Variants in METAP1 observed in about 807,000 individuals in gnomAD.
METAP1 encodes the protein methionine aminopeptidase 1.
A neutral mutation model predicts 53.8 loss-of-function variants in METAP1; 28 were observed. The ratio of observed to expected loss-of-function variants is 0.52; its 90% CI spans 0.39 to 0.71. METAP1 has a LOEUF of 0.71. Ranked by LOEUF, METAP1 falls within the 30% of genes least tolerant of loss-of-function variation. METAP1 has a pLI of 0.00. For synonymous variants in METAP1, 181 were observed against 165.7 expected (o/e 1.09, Z -0.71); for missense variants, 389 against 479.8 (o/e 0.81, Z 1.77).
intron 2 of METAP1, chr4:99,031,522 G>A: frequency 7.8e-7 from 1 of 1,288,692 alleles, no homozygotes; most frequent in South Asian, 1.2e-5. Context: ...AAGGTGTTAT[G>A]TAATGTCTTA....
intron 2 of METAP1, among the ~76,000 whole-genome samples, chr4:99,029,362 T>TA (rs1724824312): frequency 6.6e-6 from 1 of 152,222 alleles, no homozygotes; most frequent in Non-Finnish European, 1.5e-5. Context: ...TTTAATGTTA[T>TA]TACCTGCAGT....
intron 1 of METAP1, among the ~76,000 whole-genome samples, chr4:99,027,562 T>C (rs997391539): frequency 2.7e-5 from 4 of 148,918 alleles, no homozygotes; most frequent in Non-Finnish European, 4.5e-5. Context: ...CCCGCCTTTG[T>C]CATATAACCT....
At chr4:99,038,910 T>TA (rs1192646993) in intron 4 of METAP1, among the ~76,000 whole-genome samples, 1 of 152,228 alleles carries the variant, frequency 6.6e-6, no homozygotes, top group Admixed American at 6.5e-5. Context: ...ATGTTAAGTG[T>TA]AGCCTAATAA....
chr4:99,031,466 C>T (rs1409654975), intron 2 of METAP1: 1 of 1,284,466 alleles, frequency 7.8e-7, no homozygotes, highest in South Asian at 1.2e-5. Context: ...CCTTCCACTC[C>T]CCTACCCATT....
chr4:99,045,726 TC>T (rs33973581), intron 8 of METAP1, among the ~76,000 whole-genome samples: 2,071 of 152,312 alleles, frequency 0.014, 40 homozygotes, highest in African/African-American at 0.047. Context: ...CTCTCTCTTC[TC>T]TCTAGAGATA....
At chr4:99,002,711 T>C (rs1457600279) in intron 1 of METAP1, among the ~76,000 whole-genome samples, 1 of 152,198 alleles carries the variant, frequency 6.6e-6, no homozygotes, top group Non-Finnish European at 1.5e-5. Flanking sequence ...CCTGACTTAT[T>C]GCAAGGCTCA....
At chr4:99,028,647 T>C (rs1724756435) in intron 1 of METAP1, among the ~76,000 whole-genome samples, 1 of 152,246 alleles carries the variant, frequency 6.6e-6, no homozygotes, top group African/African-American at 2.4e-5. Context: ...ACATTTAGCC[T>C]AATATTCCTT....
chr4:98,995,943 C>A, intron 1 of METAP1, 76 bp downstream of exon 1: 1 of 1,222,656 alleles, frequency 8.2e-7, no homozygotes. Flanking sequence ...GCTCCTCCCG[C>A]CCTTGCGGCG....
At chr4:99,053,187 T>C (rs1238172086) in intron 9 of METAP1, among the ~76,000 whole-genome samples, 1 of 152,228 alleles carries the variant, frequency 6.6e-6, no homozygotes, top group Non-Finnish European at 1.5e-5. Context: ...AATATTGATA[T>C]TTGGCTTCCT....
At chr4:99,006,591 C>T (rs1315805326) in intron 1 of METAP1, among the ~76,000 whole-genome samples, 1 of 152,106 alleles carries the variant, frequency 6.6e-6, no homozygotes, top group Non-Finnish European at 1.5e-5. Flanking sequence ...AACTATAATA[C>T]TATTATTACA....
At chr4:99,018,834 C>G (rs1171937060) in intron 1 of METAP1, among the ~76,000 whole-genome samples, 1 of 152,158 alleles carries the variant, frequency 6.6e-6, no homozygotes, top group South Asian at 2.1e-4. Flanking sequence ...ACCCGGCCTT[C>G]CAGGGAGATC....
chr4:99,061,030 C>T (rs1727512576), intron 10 of METAP1, 124 bp from the exon 11 acceptor site: 1 of 944,854 alleles, frequency 1.1e-6, no homozygotes, highest in East Asian at 2.7e-5. Context: ...GTTGGAAAGG[C>T]ATTAGCTAAA....
intron 4 of METAP1, among the ~76,000 whole-genome samples, chr4:99,035,691 G>A (rs1302771970): frequency 6.6e-6 from 1 of 152,024 alleles, no homozygotes; most frequent in Non-Finnish European, 1.5e-5. Flanking sequence ...AAATAATACT[G>A]TATTTTATGT....
Position 98,995,723 on chromosome 4 carries a change from C to G in METAP1, c.-31C>G, listed in dbSNP as rs1560685144. On this transcript the variant is annotated 5_prime_UTR_variant, in exon 1 of 11. Transcript: ENST00000296411. ...CTCCCTCCCGCCGCCGCCTCTTCCT[C>G]GGTGAGGCGCTCTTCCAGCGGGCAG... 1.3e-6 allele frequency: 2 copies of G among 1,526,426 alleles called. No individual in the cohort carries two copies. Among genetic ancestry groups the G allele is most frequent in the Admixed American group, 2.0e-5 (1 of 50,698 alleles). 94.6% of individuals were successfully genotyped at this position (1,526,426 alleles called of 1,614,324 possible).
chr4:99,060,302 T>C (rs866579502), intron 10 of METAP1, among the ~76,000 whole-genome samples: 2 of 151,102 alleles, frequency 1.3e-5, no homozygotes, highest in Non-Finnish European at 1.5e-5. Flanking sequence ...CTGCTTTCTA[T>C]CTCCATGATT....
At chr4:99,032,216 T>TG (rs1343878677) in intron 2 of METAP1, among the ~76,000 whole-genome samples, 1 of 152,080 alleles carries the variant, frequency 6.6e-6, no homozygotes, top group African/African-American at 2.4e-5. Flanking sequence ...ATTCGTTTTT[T>TG]TTTTGTTTTG....
intron 1 of METAP1, among the ~76,000 whole-genome samples, chr4:99,012,171 A>G (rs1301338024): frequency 2.0e-5 from 3 of 151,048 alleles, no homozygotes; most frequent in African/African-American, 2.4e-5. Context: ...CTTATTGCCT[A>G]TTAATTTCTA....
intron 1 of METAP1, among the ~76,000 whole-genome samples, chr4:99,011,976 C>G (rs1338612168): frequency 2.0e-5 from 3 of 152,066 alleles, no homozygotes; most frequent in Non-Finnish European, 4.4e-5. Context: ...ACAAAATGAG[C>G]TTGGAAGTTT....
chr4:99,047,258 A>G (rs557875847), intron 8 of METAP1, among the ~76,000 whole-genome samples: 1 of 152,194 alleles, frequency 6.6e-6, no homozygotes, highest in African/African-American at 2.4e-5. Flanking sequence ...TTCTATACAC[A>G]TAAGATGTTC....
Sources: gnomAD v4.1 joint callset for allele counts (sites outside exome capture counted in the v4.1 genomes callset) on GRCh38, gnomAD v4.1.1 for gene constraint, MANE v1.5 for transcripts, NCBI Gene and HGNC (gene_info 2026-07-23, HGNC 2026-07-21) for gene names.